The following AGMO variants were observed in gnomAD, a reference collection of about 807,000 sequenced individuals.
The protein encoded by AGMO is glyceryl-ether monooxygenase.
Under a neutral mutation model 60.2 loss-of-function variants are expected in AGMO, and 75 were observed. The ratio of observed to expected loss-of-function variants is 1.25; its 90% CI spans 1.03 to 1.51. The LOEUF (loss-of-function observed/expected upper bound fraction) is 1.51. Ranked by LOEUF, AGMO falls within the 40% of genes most tolerant of loss-of-function variation. AGMO has a pLI of 0.00. For synonymous variants in AGMO, 261 were observed against 177.1 expected, an observed-to-expected ratio of 1.47 and a Z score of -3.76; for missense variants, 763 against 525.5, an observed-to-expected ratio of 1.45 and a Z score of -4.42.
chr7:15,207,312 C>T (rs1781463979), intron 12 of AGMO, among the ~76,000 whole-genome samples: 1 of 152,124 alleles, frequency 6.6e-6, no homozygotes, highest in Non-Finnish European at 1.5e-5. Flanking sequence ...TCAAAAACAT[C>T]TGTGAATTTT....
intron 2 of AGMO, among the ~76,000 whole-genome samples, chr7:15,554,949 C>T (rs570841670): frequency 1.4e-4 from 22 of 151,802 alleles, no homozygotes; most frequent in Non-Finnish European, 2.8e-4. Context: ...AGCCCTAAAA[C>T]GACTCTCACG....
chr7:15,399,590 G>A (rs999911839), intron 5 of AGMO, among the ~76,000 whole-genome samples: 1 of 152,102 alleles, frequency 6.6e-6, no homozygotes, highest in Admixed American at 6.5e-5. Flanking sequence ...TAACAATTTT[G>A]TAACAGTAAG....
the AGMO span, among the ~76,000 whole-genome samples, chr7:15,148,993 AC>A: frequency 2.6e-5 from 4 of 152,198 alleles, no homozygotes; most frequent in East Asian, 5.8e-4. Flanking sequence ...TTATTTTCTG[AC>A]TTTTTAATCA....
intron 12 of AGMO, among the ~76,000 whole-genome samples, chr7:15,262,808 G>A (rs1438801718): frequency 1.3e-5 from 2 of 151,916 alleles, no homozygotes; most frequent in Non-Finnish European, 2.9e-5. Flanking sequence ...CTTCGACAAA[G>A]CATACAAAAA....
At chr7:15,530,357 A>ATATATATATTCTATATACGTATTTC (rs1160025854) in intron 3 of AGMO, among the ~76,000 whole-genome samples, 13 of 121,624 alleles carry the variant, frequency 1.1e-4, no homozygotes, top group African/African-American at 3.9e-4. Flanking sequence ...ACGTATTTCT[A>ATATATATATTCTATATACGTATTTC]TATATATATT....
At chr7:15,379,190 C>G (rs1212512786) in intron 10 of AGMO, among the ~76,000 whole-genome samples, 1 of 151,992 alleles carries the variant, frequency 6.6e-6, no homozygotes, top group East Asian at 1.9e-4. Flanking sequence ...AGTTCACAAC[C>G]TAGTATCACG....
chr7:15,493,317 C>T (rs929695824), intron 3 of AGMO, among the ~76,000 whole-genome samples: 12 of 144,000 alleles, frequency 8.3e-5, no homozygotes, highest in African/African-American at 2.7e-4. Flanking sequence ...CGGACACACA[C>T]GCGCACAAAC....
At chr7:15,217,786 G>A (rs1781787349) in intron 12 of AGMO, among the ~76,000 whole-genome samples, 1 of 151,750 alleles carries the variant, frequency 6.6e-6, no homozygotes, top group Non-Finnish European at 1.5e-5. Context: ...TGGTGGAGAG[G>A]AAATAACAAT....
intron 12 of AGMO, among the ~76,000 whole-genome samples, chr7:15,352,176 C>G (rs1782265541): frequency 6.6e-6 from 1 of 152,104 alleles, no homozygotes; most frequent in African/African-American, 2.4e-5. Context: ...CGAAAGATCA[C>G]CCCGCCATAG....
rs76625509 is a variant in AGMO at position 15,488,706 on chromosome 7, G to T, written c.409+56066C>A. 3.9e-5 allele frequency among the ~76,000 whole-genome samples: 6 copies of T among 152,116 alleles called. No individual in the cohort carries two copies. In the East Asian group the frequency reaches 1.2e-3, roughly 29 times the overall value. ...AAACATTTGAAGATTATTGAATTTG[G>T]ATTATCACAAACTATTCCTAAGATA... On this transcript the variant is annotated intron_variant, in intron 3 of 12. Coordinates refer to ENST00000342526, the MANE Select transcript of AGMO (RefSeq NM_001004320.2).
intron 12 of AGMO, among the ~76,000 whole-genome samples, chr7:15,276,182 G>A (rs1783780914): frequency 1.3e-5 from 2 of 152,064 alleles, no homozygotes; most frequent in Admixed American, 6.6e-5. Context: ...ACTTTCTTTT[G>A]CATGTTTAGA....
chr7:15,167,564 C>A, the AGMO span, among the ~76,000 whole-genome samples: 3 of 152,118 alleles, frequency 2.0e-5, no homozygotes, highest in African/African-American at 7.2e-5. Context: ...TTTTTAAAGA[C>A]AATTTTAACA....
At chr7:15,529,553 T>G (rs575199315) in intron 3 of AGMO, among the ~76,000 whole-genome samples, 220 of 121,712 alleles carry the variant, frequency 1.8e-3, no homozygotes, top group African/African-American at 7.5e-3. Flanking sequence ...TCTATATATA[T>G]AGAATATATA....
At chr7:15,336,491 A>G (rs1010697501) in intron 12 of AGMO, among the ~76,000 whole-genome samples, 1 of 152,136 alleles carries the variant, frequency 6.6e-6, no homozygotes, top group African/African-American at 2.4e-5. Flanking sequence ...GAATCCCAAA[A>G]TCAATCTTAC....
the AGMO span, among the ~76,000 whole-genome samples, chr7:15,175,232 T>C: frequency 2.6e-5 from 4 of 151,968 alleles, no homozygotes; most frequent in African/African-American, 4.8e-5. Context: ...TATCAATATA[T>C]TCTTCCATTT....
chr7:15,317,978 G>GTATA (rs148730260), intron 12 of AGMO, among the ~76,000 whole-genome samples: 8 of 132,166 alleles, frequency 6.1e-5, no homozygotes, highest in African/African-American at 2.3e-4. Flanking sequence ...ACACACACAC[G>GTATA]TATATATATA....
intron 9 of AGMO, among the ~76,000 whole-genome samples, chr7:15,387,197 A>G (rs1374471569): frequency 6.6e-6 from 1 of 152,168 alleles, no homozygotes; most frequent in South Asian, 2.1e-4. Context: ...TCCTAGGTAA[A>G]AGGCAGTGTT....
At chr7:15,525,302 C>A (rs1175551024) in intron 3 of AGMO, among the ~76,000 whole-genome samples, 1 of 152,126 alleles carries the variant, frequency 6.6e-6, no homozygotes, top group Non-Finnish European at 1.5e-5. Flanking sequence ...AAGTCACAAT[C>A]TTGGATAAAT....
intron 12 of AGMO, among the ~76,000 whole-genome samples, chr7:15,313,117 T>C (rs925463143): frequency 2.0e-5 from 3 of 152,204 alleles, no homozygotes; most frequent in Non-Finnish European, 2.9e-5. Flanking sequence ...CTAAGATCAA[T>C]GTCTTGTGAG....
Sources: gnomAD v4.1 joint callset for allele counts (sites outside exome capture counted in the v4.1 genomes callset) on GRCh38, gnomAD v4.1.1 for gene constraint, MANE v1.5 for transcripts, NCBI Gene and HGNC (gene_info 2026-07-23, HGNC 2026-07-21) for gene names.